The following ACTR1A variants were observed in gnomAD, a reference collection of about 807,000 sequenced individuals.
The protein encoded by ACTR1A is alpha-centractin.
A neutral mutation model predicts 50.7 loss-of-function variants in ACTR1A; 10 were observed. That is an observed-to-expected ratio of 0.20 (90% CI 0.12 to 0.33). The LOEUF (loss-of-function observed/expected upper bound fraction) is 0.33, where lower values mean the gene tolerates loss of function less well. Among genes scored for constraint, ACTR1A ranks in the 10% least tolerant of loss-of-function variants. ACTR1A has a pLI of 1.00. For missense variants in ACTR1A, 253 were observed against 491.7 expected (o/e 0.51, Z 4.59); for synonymous variants, 177 against 184.2 (o/e 0.96, Z 0.32).
chr10:102,480,521 C>CG lies in ACTR1A; in HGVS notation c.*341dup, dbSNP rs1477791425. On this transcript the variant is annotated 3_prime_UTR_variant, in exon 11 of 11. Coordinates refer to ENST00000369905, the MANE Select transcript of ACTR1A (RefSeq NM_005736.4). The stretch of plus-strand genomic sequence containing the variant: ...TAGGATGGTCAGCAGCAAGGTCTCC[C>CG]GGGGGATGGCTTACCTCCCTCTGTC... 6.3e-6 allele frequency: 2 copies of CG among 319,616 alleles called. No homozygotes were observed. The highest frequency in any genetic ancestry group is 1.2e-5 in the Non-Finnish European group (2 of 168,518). The allele number at this position is 319,616 out of a possible 1,614,324, so 19.8% of individuals were successfully genotyped here.
At position 102,482,998 on chromosome 10, in the gene ACTR1A, G is replaced by A; in HGVS notation, c.750+13C>T. Reference sequence around the variant, plus strand: ...GACCTAAGGGGACCGAAGAAAGAAGGCAGGCCACCTACCTCAATGGTGCTG... The same window carrying A: ...GACCTAAGGGGACCGAAGAAAGAAGACAGGCCACCTACCTCAATGGTGCTG... On this transcript the variant is annotated intron_variant, in intron 7 of 10. Transcript: ENST00000369905. This position sits in a 1 kb window ranked among gnomAD's most constrained non-coding sequence, Gnocchi z 5.6. 6.2e-7 allele frequency: 1 copy of A among 1,608,004 alleles called. No homozygotes were observed. Among genetic ancestry groups the A allele is most frequent in the South Asian group, 1.1e-5 (1 of 90,956 alleles).
Position 102,484,286 on chromosome 10 carries a change from G to A in ACTR1A, c.531C>T (p.Pro177=). ...AVPIYEGFAM[P]HSIMRIDIAG... The stretch of plus-strand genomic sequence containing the variant: ...CGATGTCGATGCGCATGATGGAGTG[G>A]GGCATGGCAAAGCCCTCATAGATGG... Residue 177 remains proline (P), a synonymous_variant, in exon 6 of 11, where the codon CCC becomes CCT. Coordinates refer to ENST00000369905, the MANE Select transcript of ACTR1A (RefSeq NM_005736.4). 6.2e-7 allele frequency: 1 copy of A among 1,614,190 alleles called. No individual in the cohort carries two copies. Among genetic ancestry groups the A allele is most frequent in the South Asian group, 1.1e-5 (1 of 91,084 alleles).
Position 102,496,871 on chromosome 10 carries a change from T to C in ACTR1A, c.48+5729A>G, listed in dbSNP as rs184051111. Reference sequence around the variant, plus strand: ...TTTGATTAGGCATGATAATAGTATATTGATTATGTTTTTAAATGAGTGTGG... The same window carrying C: ...TTTGATTAGGCATGATAATAGTATACTGATTATGTTTTTAAATGAGTGTGG... On this transcript the variant is annotated intron_variant, in intron 1 of 10. Transcript: ENST00000369905. 3.0e-4 allele frequency among the ~76,000 whole-genome samples: 45 copies of C among 152,262 alleles called. No individual in the cohort carries two copies. In the East Asian group the frequency reaches 7.3e-3, roughly 25 times the overall value.
chr10:102,485,662 G>C lies in ACTR1A; in HGVS notation c.387C>G (p.Phe129Leu), dbSNP rs372499542. 2.5e-6 allele frequency: 4 copies of C among 1,614,096 alleles called. No homozygotes were observed. Among genetic ancestry groups the C allele is most frequent in the Non-Finnish European group, 3.4e-6 (4 of 1,180,028 alleles). Residue 129 changes from phenylalanine to leucine, a missense_variant, in exon 5 of 11, where the codon TTC (phenylalanine) becomes TTG (leucine). Transcript: ENST00000369905. ...AAAGAGCGGGCACATTGAAGGTCTC[G>C]AAGAAAACTTCGGCAGCTCGTTCCC... ...KNRERAAEVF[F>L]ETFNVPALFI... is the part of the protein sequence containing the mutation.
chr10:102,479,950 G>C lies in ACTR1A; in HGVS notation c.*913C>G. Reference sequence around the variant, plus strand: ...AATCTCAAATGGTCCTGGAACCTGTGGACACTGTCAGCTCACCATCAGCTG... The same window carrying C: ...AATCTCAAATGGTCCTGGAACCTGTCGACACTGTCAGCTCACCATCAGCTG... On this transcript the variant is annotated 3_prime_UTR_variant, in exon 11 of 11. Transcript: ENST00000369905. This position sits in a 1 kb window ranked among gnomAD's most constrained non-coding sequence, Gnocchi z 4.0. The C allele has an allele frequency of 3.8e-6, 1 of 261,318 alleles. No individual in the cohort carries two copies. The highest frequency in any genetic ancestry group is 1.5e-3 in the Middle Eastern group (1 of 678). 16.2% of individuals were successfully genotyped at this position (261,318 alleles called of 1,614,324 possible).
Position 102,479,385 on chromosome 10 carries a change from C to T in ACTR1A, c.*1478G>A. ...CGCGGGGCGCTACGTTGCTTTCACA[C>T]ATACCTGCTGCTGTGGCCCACACCT... On this transcript the variant is annotated 3_prime_UTR_variant, in exon 11 of 11. Transcript: ENST00000369905. The surrounding 1 kb of genome is among the most constrained non-coding windows in gnomAD (Gnocchi z 4.0). 2.7e-6 allele frequency: 1 copy of T among 369,996 alleles called. No homozygotes were observed. Among genetic ancestry groups the T allele is most frequent in the South Asian group, 2.0e-5 (1 of 49,094 alleles). 22.9% of individuals were successfully genotyped at this position (369,996 alleles called of 1,614,324 possible).
rs772353561 is a variant in ACTR1A, at chr10:102,484,267, C to G, written c.550G>C (p.Asp184His). Residue 184 changes from aspartate (D) to histidine (H), a missense_variant, in exon 6 of 11, where the codon GAC (aspartate) becomes CAC (histidine). Asp to His is a moderately conservative substitution (Grantham distance 81). Transcript: ENST00000369905. The stretch of plus-strand genomic sequence containing the variant: ...CGAGAGACGTCCCGGCCCGCGATGT[C>G]GATGCGCATGATGGAGTGGGGCATG... ...FAMPHSIMRI[D>H]IAGRDVSRFL... 1 of 1,614,172 alleles carries G rather than the reference C, an allele frequency of 6.2e-7. No individual in the cohort carries two copies. The highest frequency in any genetic ancestry group is 2.2e-5 in the East Asian group (1 of 44,878).
At chr10:102,490,698 A>T in intron 1 of ACTR1A, 85 bp from the exon 2 acceptor site, 1 of 1,197,352 alleles carries the variant, frequency 8.4e-7, no homozygotes, top group Non-Finnish European at 1.2e-6. Context: ...ATTTTTATTT[A>T]AGAAAAGAAA....
At position 102,482,738 on chromosome 10, in the gene ACTR1A, G is replaced by A; in HGVS notation, c.750+273C>T. 4.6e-6 allele frequency: 2 copies of A among 436,978 alleles called. No individual in the cohort carries two copies. The highest frequency in any genetic ancestry group is 8.3e-6 in the Non-Finnish European group (2 of 241,566). The allele number at this position is 436,978 out of a possible 1,614,324, so 27.1% of individuals were successfully genotyped here. On this transcript the variant is annotated intron_variant, in intron 7 of 10. Coordinates refer to ENST00000369905, the MANE Select transcript of ACTR1A (RefSeq NM_005736.4). The surrounding 1 kb of genome is among the most constrained non-coding windows in gnomAD (Gnocchi z 5.6). Reference sequence around the variant, plus strand: ...CACATTGGAAGAAGAATTGTCTTGGGCCACACATAATATACACTAACACTA... The same window carrying A: ...CACATTGGAAGAAGAATTGTCTTGGACCACACATAATATACACTAACACTA...
rs1425029138 is a variant in ACTR1A at position 102,480,521 on chromosome 10, C to T, written c.*342G>A. On this transcript the variant is annotated 3_prime_UTR_variant, in exon 11 of 11. Transcript: ENST00000369905. ...TAGGATGGTCAGCAGCAAGGTCTCC[C>T]GGGGGATGGCTTACCTCCCTCTGTC... 5 of 319,498 alleles carry T rather than the reference C, an allele frequency of 1.6e-5. 1 individual carries two copies. The highest frequency in any genetic ancestry group is 1.8e-5 in the Non-Finnish European group (3 of 168,526). 19.8% of individuals were successfully genotyped at this position (319,498 alleles called of 1,614,324 possible).
intron 1 of ACTR1A, among the ~76,000 whole-genome samples, chr10:102,499,167 T>A (rs567376291): frequency 6.6e-6 from 1 of 152,304 alleles, no homozygotes; most frequent in East Asian, 1.9e-4. Flanking sequence ...TGCCCATAAA[T>A]AAAGTGTAGC....
intron 1 of ACTR1A, among the ~76,000 whole-genome samples, chr10:102,492,901 C>T (rs1589963595): frequency 2.0e-5 from 3 of 148,136 alleles, no homozygotes; most frequent in South Asian, 4.2e-4. Flanking sequence ...CTCAGGGAGG[C>T]TGAGGCAGGA....
At chr10:102,502,515 C>G in intron 1 of ACTR1A, 85 bp downstream of exon 1, 1 of 1,479,802 alleles carries the variant, frequency 6.8e-7, no homozygotes, top group Non-Finnish European at 9.4e-7. Context: ...GACAAAGAGC[C>G]GGCGGCTCAG....
At chr10:102,494,619 G>A (rs2062210957) in intron 1 of ACTR1A, among the ~76,000 whole-genome samples, 1 of 152,058 alleles carries the variant, frequency 6.6e-6, no homozygotes, top group Non-Finnish European at 1.5e-5. Context: ...GACAGAGTAA[G>A]ATAAGACCCT....
Position 102,502,681 on chromosome 10 carries a change from G to C in ACTR1A, c.-34C>G, listed in dbSNP as rs771559370. 5.6e-6 allele frequency: 9 copies of C among 1,611,008 alleles called. No individual in the cohort carries two copies. The Admixed American group carries it at 8.3e-5, about 15-fold the overall frequency. On this transcript the variant is annotated 5_prime_UTR_variant, in exon 1 of 11. Transcript: ENST00000369905. ...AATCTCTCCTTCTGGGGAAGGAACT[G>C]CCCAGCCGGGTCCGCCGCTAGCGCC...
intron 1 of ACTR1A, among the ~76,000 whole-genome samples, chr10:102,497,580 T>G (rs577561755): frequency 6.6e-6 from 1 of 151,728 alleles, no homozygotes; most frequent in Admixed American, 6.6e-5. Flanking sequence ...GAGTGAGACC[T>G]CATCTCTAAA....
intron 6 of ACTR1A, 101 bp from the exon 7 acceptor site, chr10:102,483,204 G>C (rs1013946493): frequency 2.2e-6 from 2 of 908,948 alleles, no homozygotes; most frequent in South Asian, 2.7e-5. Context: ...CTGTCTAAAC[G>C]TTGTGATGGC....
chr10:102,486,232 G>A (rs7358207), intron 4 of ACTR1A, among the ~76,000 whole-genome samples: 1 of 152,150 alleles, frequency 6.6e-6, no homozygotes, highest in Non-Finnish European at 1.5e-5. Flanking sequence ...GAGGGATCTA[G>A]GTTGGGCACT....
intron 5 of ACTR1A, among the ~76,000 whole-genome samples, chr10:102,484,809 A>G (rs2062159021): frequency 6.6e-6 from 1 of 152,248 alleles, no homozygotes; most frequent in African/African-American, 2.4e-5. Context: ...TACTGGTTTG[A>G]GAGCCCGGGG....
Sources: allele counts gnomAD v4.1 joint callset (sites outside exome capture counted in the v4.1 genomes callset), GRCh38; gene constraint gnomAD v4.1.1; non-coding constraint Gnocchi (gnomAD v3.1); transcripts MANE v1.5; gene names NCBI Gene and HGNC (gene_info 2026-07-23, HGNC 2026-07-21).